Variants in PITPNM1 observed in about 807,000 individuals in gnomAD.
PITPNM1 encodes the protein phosphatidylinositol transfer protein membrane associated 1, also known as membrane-associated phosphatidylinositol transfer protein 1.
A neutral mutation model predicts 133.3 loss-of-function variants in PITPNM1; 74 were observed. The observed-to-expected ratio is 0.56, with a 90% CI of 0.46 to 0.67. The LOEUF is 0.67. PITPNM1 is among the 30% of genes least tolerant of loss of function. The pLI is 0.00. For synonymous variants in PITPNM1, 738 were observed against 741.4 expected (o/e 1.00, Z 0.08); for missense variants, 1,398 against 1,739.5 (o/e 0.80, Z 3.49).
At chr11:67,492,376 C>T (rs570155341) in intron 23 of PITPNM1, 80 bp from the exon 24 acceptor site, 15 of 1,376,978 alleles carry the variant, frequency 1.1e-5, no homozygotes, top group African/African-American at 1.5e-5. Flanking sequence ...CCAGAGGCAC[C>T]TGAGGCAGGC....
chr11:67,502,629 C>A lies in PITPNM1; in HGVS notation c.168G>T (p.Gly56=), dbSNP rs771686474. 16 of 1,613,514 alleles carry A rather than the reference C, an allele frequency of 9.9e-6. No homozygotes were observed. Among genetic ancestry groups the A allele is most frequent in the Non-Finnish European group, 1.1e-5 (13 of 1,180,020 alleles). The stretch of plus-strand genomic sequence containing the variant: ...CGTGGTACACCTTGTGTGTGTATTG[C>A]CCGCTGCCCCCGGGCCCATCCGTGT... ...RPYTDGPGGS[G]QYTHKVYHVG... is the part of the protein sequence containing the mutation. The change falls in exon 3 of 24, where the codon GGG becomes GGT. Residue 56 remains glycine, a synonymous_variant. Coordinates refer to ENST00000356404, the MANE Select transcript of PITPNM1 (RefSeq NM_004910.3). The surrounding 1 kb of genome is among the most constrained non-coding windows in gnomAD (Gnocchi z 5.9).
At chr11:67,495,319 C>G (rs1866083319) in intron 16 of PITPNM1, 94 bp from the exon 17 acceptor site, 19 of 1,475,264 alleles carry the variant, frequency 1.3e-5, no homozygotes, top group Middle Eastern at 4.7e-4. Flanking sequence ...TTTCACCCAG[C>G]CTGCTCTTTG....
At position 67,500,377 on chromosome 11, in the gene PITPNM1, A is replaced by G; in HGVS notation, c.685T>C (p.Trp229Arg). 1 of 1,612,014 alleles carries G rather than the reference A, an allele frequency of 6.2e-7. No homozygotes were observed. The highest frequency in any genetic ancestry group is 8.5e-7 in the Non-Finnish European group (1 of 1,179,900). Residue 229 changes from tryptophan (W) to arginine (R), a missense_variant, in exon 6 of 24, where the codon TGG becomes CGG. Physicochemically the swap from Trp to Arg is moderately radical, Grantham distance 101 (BLOSUM62 -3). This residue lies in a region of PITPNM1 where 274 missense variants were observed against 360.7 expected (regional missense o/e 0.76). Coordinates refer to ENST00000356404, the MANE Select transcript of PITPNM1 (RefSeq NM_004910.3). ...CTCAGCTCTGTCCACTCATCCTGCC[A>G]GCACCAGGCCTGGCGGTGGGCCCGC... ...MLRAHRQAWC[W>R]QDEWTELSMA...
chr11:67,499,826 G>C lies in PITPNM1; in HGVS notation c.1068C>G (p.Gly356=). 6.3e-7 allele frequency: 1 copy of C among 1,576,186 alleles called. No individual in the cohort carries two copies. The highest frequency in any genetic ancestry group is 8.7e-7 in the Non-Finnish European group (1 of 1,154,112). The change falls in exon 8 of 24, where the codon GGC becomes GGG. Residue 356 remains glycine (G), a synonymous_variant. Coordinates refer to ENST00000356404, the MANE Select transcript of PITPNM1 (RefSeq NM_004910.3). ...GGAAGACCTCCTCACTGTCCGAGAA[G>C]CCTTCTGAGGGGACAGGGGGCTGTG... ...SEEEFFDAHE[G]FSDSEEVFPK... is the part of the protein sequence containing the mutation.
chr11:67,494,111 G>A (rs995870920), intron 19 of PITPNM1, 41 bp from the exon 20 acceptor site: 5 of 1,596,724 alleles, frequency 3.1e-6, no homozygotes, highest in Non-Finnish European at 3.4e-6. Context: ...GGGGCCCTGC[G>A]TGGAGGTGGG....
In PITPNM1 at chr11:67,498,912, TTGACATGGGGTGGC is replaced by T. The variant is rs755531458; in HGVS notation, c.1233+14_1233+27del. On this transcript the variant is annotated intron_variant, in intron 9 of 23. Coordinates refer to ENST00000356404, the MANE Select transcript of PITPNM1 (RefSeq NM_004910.3). This position sits in a 1 kb window ranked among gnomAD's most constrained non-coding sequence, Gnocchi z 5.7. ...GCCGGGCCAGTGAGTAGGGGGAGCTTTGACATGGGGTGGCTGACCATACTCGCCTCTGAGTCCCT... is the reference window on the plus strand; with the variant it reads ...GCCGGGCCAGTGAGTAGGGGGAGCTTTGACCATACTCGCCTCTGAGTCCCT... 3.7e-6 allele frequency: 6 copies of T among 1,611,806 alleles called. No individual in the cohort carries two copies. In the African/African-American group the frequency reaches 6.7e-5, roughly 18 times the overall value.
rs1866274877 is a variant in PITPNM1, at chr11:67,500,087, A to G, written c.967+8T>C. ...GCCGTTCCTCCCATCCCTGTGCCCC[A>G]GCCTCACCTCCATGTTGGGATGAGT... is the stretch of plus-strand genomic sequence containing the variant. On this transcript the variant is annotated splice_region_variant and intron_variant, in intron 6 of 23. Transcript: ENST00000356404. 2 of 1,598,904 alleles carry G rather than the reference A, an allele frequency of 1.3e-6. No homozygotes were observed. Among genetic ancestry groups the G allele is most frequent in the Admixed American group, 1.7e-5 (1 of 59,682 alleles).
Position 67,493,719 on chromosome 11 carries a change from T to G in PITPNM1, c.3127A>C (p.Lys1043Gln). 6.5e-7 allele frequency: 1 copy of G among 1,547,624 alleles called. No individual in the cohort carries two copies. Among genetic ancestry groups the G allele is most frequent in the Non-Finnish European group, 8.7e-7 (1 of 1,147,044 alleles). The change falls in exon 21 of 24, where the codon AAG becomes CAG. Residue 1043 changes from lysine to glutamine, a missense_variant. Lys to Gln is a moderately conservative substitution (Grantham distance 53). Around this residue, in one of 5 missense-constraint regions of PITPNM1, gnomAD observed 233 missense variants for 378.0 expected, o/e 0.62. Transcript: ENST00000356404. ...ACGTCCACGGCGCCAGCTCGCACCT[T>G]GGGGTCGCTGCCCATGATGGAGACG... The part of the protein sequence containing the change: ...ASVSIMGSDP[K>Q]VRAGAVDVVR...
chr11:67,494,155 C>G (rs953097624), intron 19 of PITPNM1, 85 bp from the exon 20 acceptor site: 12 of 1,563,168 alleles, frequency 7.7e-6, no homozygotes, highest in Admixed American at 1.7e-5. Flanking sequence ...ATGGGTGGGT[C>G]TAGGGGCACA....
intron 18 of PITPNM1, among the ~76,000 whole-genome samples, 182 bp from the exon 19 acceptor site, chr11:67,494,542 T>C (rs938491996): frequency 6.6e-6 from 1 of 151,852 alleles, no homozygotes; most frequent in Non-Finnish European, 1.5e-5. Context: ...AGCCTGTGTG[T>C]GGGCCGCGCC....
Position 67,498,039 on chromosome 11 carries a change from G to A in PITPNM1, c.1675-15C>T. The A allele has an allele frequency of 6.2e-7, 1 of 1,608,926 alleles. No individual in the cohort carries two copies. The highest frequency in any genetic ancestry group is 8.5e-7 in the Non-Finnish European group (1 of 1,179,426). On this transcript the variant is annotated splice_polypyrimidine_tract_variant and intron_variant, in intron 11 of 23. Coordinates refer to ENST00000356404, the MANE Select transcript of PITPNM1 (RefSeq NM_004910.3). This position sits in a 1 kb window ranked among gnomAD's most constrained non-coding sequence, Gnocchi z 5.7. ...ATCAGTGCGACCTGGGTGGGAGCAG[G>A]GGCACCATCAGGAGAGGCCTTGTCC...
At position 67,491,875 on chromosome 11, in the gene PITPNM1, A is replaced by T; in HGVS notation, c.*158T>A. ...CCCCGGCGCTGGGTCCCCTCATATG[A>T]AAGGGAAGTAACACCGAGGAGCACA... On this transcript the variant is annotated 3_prime_UTR_variant, in exon 24 of 24. Transcript: ENST00000356404. 1 of 788,764 alleles carries T rather than the reference A, an allele frequency of 1.3e-6. No individual in the cohort carries two copies. Among genetic ancestry groups the T allele is most frequent in the Non-Finnish European group, 2.0e-6 (1 of 510,910 alleles). The allele number at this position is 788,764 out of a possible 1,614,324, so 48.9% of individuals were successfully genotyped here.
At position 67,502,790 on chromosome 11, in the gene PITPNM1, G is replaced by T. The variant is rs1866377923; in HGVS notation, c.79-72C>A. The T allele has an allele frequency of 8.7e-6, 13 of 1,489,546 alleles. No homozygotes were observed. In the South Asian group the frequency reaches 1.3e-4, roughly 14 times the overall value. The allele number at this position is 1,489,546 out of a possible 1,614,324, so 92.3% of individuals were successfully genotyped here. A position where few individuals can be genotyped will look rare whatever the true frequency, so the allele number is the denominator to read the frequency against. On this transcript the variant is annotated intron_variant, in intron 2 of 23. Coordinates refer to ENST00000356404, the MANE Select transcript of PITPNM1 (RefSeq NM_004910.3). This position sits in a 1 kb window ranked among gnomAD's most constrained non-coding sequence, Gnocchi z 5.9. ...CATCTGGGATCCCCAGCTCAGCCTG[G>T]TGTTCTACACAGCTCTGGGGCCCTG...
chr11:67,497,851 G>A (rs1442830617), intron 12 of PITPNM1, 66 bp downstream of exon 12: 1 of 1,515,864 alleles, frequency 6.6e-7, no homozygotes, highest in African/African-American at 1.4e-5. Context: ...GCATTCCAGG[G>A]GGCAGAGACC....
chr11:67,492,236 C>A lies in PITPNM1; in HGVS notation c.3532G>T (p.Ala1178Ser). 6.2e-7 allele frequency: 1 copy of A among 1,602,076 alleles called. No homozygotes were observed. Among genetic ancestry groups the A allele is most frequent in the Non-Finnish European group, 8.5e-7 (1 of 1,173,672 alleles). The change falls in exon 24 of 24, where the codon GCC becomes TCC. Residue 1178 changes from alanine (A) to serine (S), a missense_variant. By Grantham distance (99) the Ala-to-Ser change is moderately conservative. Coordinates refer to ENST00000356404, the MANE Select transcript of PITPNM1 (RefSeq NM_004910.3). ...GQLEAGSHSHASSGPPRAALG... is the reference protein window; with the variant it reads ...GQLEAGSHSHSSSGPPRAALG... Reference sequence around the variant, plus strand: ...GCAGCTCTCGGGGGTCCCGAGGAGGCATGCGAGTGCGAGCCCGCTTCCAGC... The same window carrying A: ...GCAGCTCTCGGGGGTCCCGAGGAGGAATGCGAGTGCGAGCCCGCTTCCAGC...
Position 67,500,160 on chromosome 11 carries a change from G to A in PITPNM1, c.902C>T (p.Pro301Leu). 6.3e-7 allele frequency: 1 copy of A among 1,595,758 alleles called. No homozygotes were observed. ...CCACTGCTTCCCAAAGCTGGCATCG[G>A]GGGAGGCATCTGGGCCTGGGGGGGC... is the stretch of plus-strand genomic sequence containing the variant. ...PEAPPGPDASPDASFGKQWSS... is the reference protein window; with the variant it reads ...PEAPPGPDASLDASFGKQWSS... The change falls in exon 6 of 24, where the codon CCC (proline) becomes CTC (leucine). Residue 301 changes from proline (P) to leucine (L), a missense_variant. This residue lies in a region of PITPNM1 where 195 missense variants were observed against 178.8 expected (regional missense o/e 1.09). Transcript: ENST00000356404.
At chr11:67,494,996 A>G (rs1866069407) in intron 17 of PITPNM1, 40 bp from the exon 18 acceptor site, 3 of 1,600,584 alleles carry the variant, frequency 1.9e-6, no homozygotes, top group South Asian at 1.1e-5. Flanking sequence ...CTCTTAGGGG[A>G]GGGAGGGCTG....
intron 14 of PITPNM1, 24 bp downstream of exon 14, chr11:67,497,207 G>T: frequency 6.4e-7 from 1 of 1,554,506 alleles, no homozygotes. Flanking sequence ...GACTAGAGGC[G>T]CCCCCGCAGC....
chr11:67,492,352 C>A, intron 23 of PITPNM1, 56 bp from the exon 24 acceptor site: 1 of 1,476,532 alleles, frequency 6.8e-7, no homozygotes, highest in Non-Finnish European at 9.0e-7. Flanking sequence ...CCACACGCTG[C>A]CCTCCACGGT....
Sources: allele counts gnomAD v4.1 joint callset (sites outside exome capture counted in the v4.1 genomes callset), GRCh38; gene constraint gnomAD v4.1.1; regional missense constraint gnomAD v4.1.1; non-coding constraint Gnocchi (gnomAD v3.1); transcripts MANE v1.5; gene names NCBI Gene and HGNC (gene_info 2026-07-23, HGNC 2026-07-21).